DPP10: variants seen among roughly 807,000 people sequenced by gnomAD.
DPP10 encodes dipeptidyl peptidase like 10.
Under a neutral mutation model 120.9 loss-of-function variants are expected in DPP10, and 33 were observed. The ratio of observed to expected loss-of-function variants is 0.27; its 90% confidence interval spans 0.21 to 0.37. The LOEUF is 0.37. Among genes scored for constraint, DPP10 ranks in the 10% least tolerant of loss-of-function variants. DPP10 has a pLI of 1.00. For missense variants in DPP10, 816 were observed against 942.8 expected, an observed-to-expected ratio of 0.87 and a Z score of 1.76; for synonymous variants, 337 against 326.1, an observed-to-expected ratio of 1.03 and a Z score of -0.36.
intron 1 of DPP10, among the ~76,000 whole-genome samples, chr2:114,595,457 T>G (rs1033009346): frequency 6.6e-6 from 1 of 152,004 alleles, no homozygotes; most frequent in Non-Finnish European, 1.5e-5. Flanking sequence ...AAAAGAAGGG[T>G]TTGGAAGGTC....
intron 1 of DPP10, among the ~76,000 whole-genome samples, chr2:114,878,093 C>G (rs1268806604): frequency 6.6e-6 from 1 of 151,958 alleles, no homozygotes; most frequent in African/African-American, 2.4e-5. Context: ...AATAAAAGCC[C>G]TTAAGAAATT....
intron 5 of DPP10, among the ~76,000 whole-genome samples, chr2:115,531,735 C>A (rs1287268955): frequency 6.6e-6 from 1 of 152,016 alleles, no homozygotes; most frequent in African/African-American, 2.4e-5. Context: ...TTCTATAAAC[C>A]AAACACCTGT....
At chr2:115,357,543 G>T (rs1559478318) in intron 3 of DPP10, among the ~76,000 whole-genome samples, 1 of 152,184 alleles carries the variant, frequency 6.6e-6, no homozygotes, top group Non-Finnish European at 1.5e-5. Context: ...GCTTTCATGG[G>T]CTGGTGTTGT....
At chr2:115,488,987 C>G (rs959201500) in intron 3 of DPP10, among the ~76,000 whole-genome samples, 20 of 151,396 alleles carry the variant, frequency 1.3e-4, no homozygotes, top group Middle Eastern at 3.4e-3. Flanking sequence ...TTTGGAAATC[C>G]AAAAGAACAG....
intron 1 of DPP10, among the ~76,000 whole-genome samples, chr2:114,514,043 C>T (rs1354919385): frequency 2.6e-5 from 4 of 152,206 alleles, no homozygotes; most frequent in Non-Finnish European, 5.9e-5. Context: ...TCCTCCCCTT[C>T]GCTGTCCTTC....
chr2:115,814,674 C>T (rs540421858), intron 19 of DPP10, 119 bp from the exon 20 acceptor site: 3 of 738,960 alleles, frequency 4.1e-6, no homozygotes, highest in Admixed American at 3.8e-5. Flanking sequence ...CAAGAATTAA[C>T]AGAAATTTTA....
chr2:115,509,025 G>A (rs1443547096), intron 4 of DPP10, among the ~76,000 whole-genome samples: 1 of 152,188 alleles, frequency 6.6e-6, no homozygotes, highest in Non-Finnish European at 1.5e-5. Context: ...TGCCATGGTA[G>A]TGGGAGCAGC....
chr2:114,832,313 C>T (rs1220148355), intron 1 of DPP10, among the ~76,000 whole-genome samples: 2 of 152,210 alleles, frequency 1.3e-5, no homozygotes, highest in African/African-American at 2.4e-5. Flanking sequence ...GCAGGTGGAT[C>T]AGGAGGTCAG....
chr2:114,740,457 T>C (rs1441830873), intron 1 of DPP10, among the ~76,000 whole-genome samples: 1 of 150,370 alleles, frequency 6.7e-6, no homozygotes, highest in Non-Finnish European at 1.5e-5. Flanking sequence ...TGTATACATA[T>C]GTAACTAACC....
chr2:115,176,926 G>T (rs910226743), intron 1 of DPP10, among the ~76,000 whole-genome samples: 8 of 152,260 alleles, frequency 5.3e-5, no homozygotes, highest in Admixed American at 2.6e-4. Flanking sequence ...CTGTGAGCAT[G>T]GCTACTGCCT....
intron 1 of DPP10, among the ~76,000 whole-genome samples, chr2:114,895,554 C>G (rs1415782380): frequency 6.6e-6 from 1 of 152,174 alleles, no homozygotes; most frequent in East Asian, 1.9e-4. Flanking sequence ...GGAGATTTCA[C>G]TGGCATTGGG....
At chr2:115,445,506 A>G (rs967064430) in intron 3 of DPP10, among the ~76,000 whole-genome samples, 6 of 152,172 alleles carry the variant, frequency 3.9e-5, no homozygotes, top group African/African-American at 1.4e-4. Context: ...TTCCTCAGAG[A>G]TGAGGAACCT....
intron 7 of DPP10, among the ~76,000 whole-genome samples, chr2:115,726,981 G>C (rs1485749913): frequency 6.6e-6 from 1 of 151,956 alleles, no homozygotes; most frequent in African/African-American, 2.4e-5. Flanking sequence ...AAAGAAACAT[G>C]GTTCTCTGGA....
intron 17 of DPP10, among the ~76,000 whole-genome samples, chr2:115,787,416 T>G (rs1276759208): frequency 6.6e-6 from 1 of 152,192 alleles, no homozygotes; most frequent in Non-Finnish European, 1.5e-5. Context: ...TATATTTTTA[T>G]GAAAGAACTT....
intron 1 of DPP10, among the ~76,000 whole-genome samples, chr2:115,253,291 TACATCTGC>T (rs2058831771): frequency 6.6e-6 from 1 of 152,144 alleles, no homozygotes; most frequent in Non-Finnish European, 1.5e-5. Context: ...CACTGGGGAT[TACATCTGC>T]ACATGAGATT....
At chr2:115,407,586 A>G (rs1712013) in intron 3 of DPP10, among the ~76,000 whole-genome samples, 4,684 of 152,224 alleles carry the variant, frequency 0.031, 238 homozygotes, top group African/African-American at 0.11. Flanking sequence ...CATGTATCCA[A>G]ATGAAACAAG....
At chr2:115,627,740 T>C (rs191289754) in intron 5 of DPP10, among the ~76,000 whole-genome samples, 106 of 152,276 alleles carry the variant, frequency 7.0e-4, no homozygotes, top group African/African-American at 2.4e-3. Context: ...CAATATGTTC[T>C]CATTGTTCAG....
At chr2:115,434,777 A>G (rs570632707) in intron 3 of DPP10, among the ~76,000 whole-genome samples, 2 of 151,724 alleles carry the variant, frequency 1.3e-5, no homozygotes, top group Admixed American at 1.3e-4. Context: ...ACTAGAACTT[A>G]TTCCTTCTGT....
At chr2:114,616,740 G>A (rs1236593862) in intron 1 of DPP10, among the ~76,000 whole-genome samples, 2 of 152,090 alleles carry the variant, frequency 1.3e-5, no homozygotes, top group African/African-American at 4.8e-5. Flanking sequence ...AGAGGTTGAT[G>A]GGAAATTGAG....
Sources: allele counts gnomAD v4.1 joint callset (sites outside exome capture counted in the v4.1 genomes callset), GRCh38; gene constraint gnomAD v4.1.1; transcripts MANE v1.5; gene names NCBI Gene and HGNC (gene_info 2026-07-23, HGNC 2026-07-21).